The following ARHGAP15 variants were observed in gnomAD, a reference collection of about 807,000 sequenced individuals.
ARHGAP15 encodes the protein rho GTPase-activating protein 15.
Under a neutral mutation model 63.7 loss-of-function variants are expected in ARHGAP15, and 51 were observed. The observed-to-expected ratio is 0.80, with a 90% CI of 0.64 to 1.01. The LOEUF (loss-of-function observed/expected upper bound fraction) is 1.01, where lower values mean the gene tolerates loss of function less well. Among genes scored for constraint, ARHGAP15 ranks in the 50% least tolerant of loss-of-function variants. The pLI, the probability that ARHGAP15 is intolerant of heterozygous loss-of-function variation, is 0.00. For missense variants in ARHGAP15, 560 were observed against 564.6 expected, an observed-to-expected ratio of 0.99 and a Z score of 0.08; for synonymous variants, 191 against 193.8, an observed-to-expected ratio of 0.99 and a Z score of 0.12.
chr2:143,584,910 G>A (rs1697052832), intron 11 of ARHGAP15, among the ~76,000 whole-genome samples: 1 of 152,006 alleles, frequency 6.6e-6, no homozygotes, highest in South Asian at 2.1e-4. Flanking sequence ...TTATAAATTG[G>A]CTCAAATGAT....
intron 6 of ARHGAP15, among the ~76,000 whole-genome samples, chr2:143,356,879 A>T (rs955485709): frequency 6.6e-6 from 1 of 152,304 alleles, no homozygotes; most frequent in African/African-American, 2.4e-5. Flanking sequence ...CGCCTTAGTT[A>T]GAAATGCTAG....
At chr2:143,291,529 C>T (rs758247649) in intron 6 of ARHGAP15, among the ~76,000 whole-genome samples, 2 of 151,916 alleles carry the variant, frequency 1.3e-5, no homozygotes, top group South Asian at 4.1e-4. Flanking sequence ...ATAGTTTTTT[C>T]TCTAATTCTA....
At chr2:143,652,810 T>C (rs1681240390) in intron 12 of ARHGAP15, among the ~76,000 whole-genome samples, 1 of 152,102 alleles carries the variant, frequency 6.6e-6, no homozygotes, top group South Asian at 2.1e-4. Flanking sequence ...GATAGTTTTT[T>C]GGGAGAGCAT....
At chr2:143,285,741 A>AC (rs1682062809) in intron 6 of ARHGAP15, among the ~76,000 whole-genome samples, 1 of 152,096 alleles carries the variant, frequency 6.6e-6, no homozygotes, top group South Asian at 2.1e-4. Flanking sequence ...ACACTGAAAA[A>AC]CTATATTTAG....
chr2:143,398,010 T>C (rs1485037517), intron 6 of ARHGAP15, among the ~76,000 whole-genome samples: 1 of 152,126 alleles, frequency 6.6e-6, no homozygotes, highest in Non-Finnish European at 1.5e-5. Context: ...TCTTTCTGCT[T>C]TTACTGAACT....
At chr2:143,248,030 G>A (rs1694111403) in intron 5 of ARHGAP15, among the ~76,000 whole-genome samples, 1 of 152,180 alleles carries the variant, frequency 6.6e-6, no homozygotes, top group Non-Finnish European at 1.5e-5. Context: ...AAAAACAGTA[G>A]AGGAAAAGGC....
intron 13 of ARHGAP15, among the ~76,000 whole-genome samples, chr2:143,764,539 C>G (rs532036326): frequency 6.6e-6 from 1 of 152,184 alleles, no homozygotes; most frequent in African/African-American, 2.4e-5. Context: ...ATAGTCCAGC[C>G]CCGTTTCAGT....
At chr2:143,552,099 T>C (rs998202060) in intron 10 of ARHGAP15, among the ~76,000 whole-genome samples, 4 of 152,336 alleles carry the variant, frequency 2.6e-5, no homozygotes. Flanking sequence ...AGAATGGCAC[T>C]TCTTGTGGTA....
chr2:143,516,955 T>G (rs12621040), intron 9 of ARHGAP15, among the ~76,000 whole-genome samples: 38,230 of 149,158 alleles, frequency 0.26, 5,337 homozygotes, highest in East Asian at 0.43. Context: ...GTTGTTGTTG[T>G]TGGTGTTGTT....
chr2:143,340,793 G>C (rs1263462722), intron 6 of ARHGAP15, among the ~76,000 whole-genome samples: 2 of 152,014 alleles, frequency 1.3e-5, no homozygotes, highest in Non-Finnish European at 2.9e-5. Context: ...CTAGTGGAAA[G>C]GTTGGTGGCA....
intron 8 of ARHGAP15, among the ~76,000 whole-genome samples, chr2:143,469,439 C>T (rs1369133238): frequency 6.6e-6 from 1 of 152,222 alleles, no homozygotes; most frequent in Admixed American, 6.5e-5. Flanking sequence ...TGCCCACTGC[C>T]ATAGTGAGCC....
intron 6 of ARHGAP15, among the ~76,000 whole-genome samples, chr2:143,261,325 CTTTTTTTTTTTTTTTT>C (rs534351317): frequency 2.2e-5 from 2 of 89,526 alleles, no homozygotes; most frequent in Non-Finnish European, 4.2e-5. Flanking sequence ...GAGGAATGAC[CTTTTTTTTTTTTTTTT>C]TTTTTTTTTT....
At chr2:143,719,185 C>T (rs577390319) in intron 13 of ARHGAP15, among the ~76,000 whole-genome samples, 4 of 152,290 alleles carry the variant, frequency 2.6e-5, no homozygotes, top group Middle Eastern at 3.4e-3. Flanking sequence ...GGTCAATAGA[C>T]GCCTCTTCAT....
intron 12 of ARHGAP15, among the ~76,000 whole-genome samples, chr2:143,668,713 T>G (rs566712338): frequency 3.9e-5 from 6 of 152,246 alleles, no homozygotes; most frequent in African/African-American, 1.4e-4. Flanking sequence ...TCTGATATAC[T>G]TGTGGTTCAA....
chr2:143,744,051 G>A (rs546197397), intron 13 of ARHGAP15, among the ~76,000 whole-genome samples: 1 of 152,282 alleles, frequency 6.6e-6, no homozygotes, highest in East Asian at 1.9e-4. Flanking sequence ...TGCATTAACA[G>A]TCACATCACA....
At chr2:143,739,229 TAGA>T (rs1489190055) in intron 13 of ARHGAP15, among the ~76,000 whole-genome samples, 1 of 152,076 alleles carries the variant, frequency 6.6e-6, no homozygotes, top group East Asian at 1.9e-4. Context: ...ACAGCAGCCT[TAGA>T]AGAAGATGAT....
At chr2:143,552,572 G>A (rs58030643) in intron 10 of ARHGAP15, among the ~76,000 whole-genome samples, 3 of 151,410 alleles carry the variant, frequency 2.0e-5, no homozygotes, top group African/African-American at 2.4e-5. Flanking sequence ...TCGGGGTGGG[G>A]AGGCAGGGGA....
At chr2:143,196,426 CTT>C (rs764780799) in intron 2 of ARHGAP15, among the ~76,000 whole-genome samples, 7 of 152,016 alleles carry the variant, frequency 4.6e-5, no homozygotes, top group Non-Finnish European at 8.8e-5. Flanking sequence ...AGGTTGGACT[CTT>C]TTTTTCTCCC....
chr2:143,158,279 C>A (rs779872839), intron 2 of ARHGAP15, among the ~76,000 whole-genome samples: 1 of 151,772 alleles, frequency 6.6e-6, no homozygotes, highest in African/African-American at 2.4e-5. Flanking sequence ...GAACACAATA[C>A]AAAATTCTCC....
Sources: gnomAD v4.1 joint callset for allele counts (sites outside exome capture counted in the v4.1 genomes callset) on GRCh38, gnomAD v4.1.1 for gene constraint, MANE v1.5 for transcripts, NCBI Gene and HGNC (gene_info 2026-07-23, HGNC 2026-07-21) for gene names.